Variants in NKAIN2 observed in about 807,000 individuals in gnomAD.
The protein encoded by NKAIN2 is sodium/potassium transporting ATPase interacting 2, also known as sodium/potassium-transporting ATPase subunit beta-1-interacting protein 2.
A neutral mutation model predicts 32.6 loss-of-function variants in NKAIN2; 14 were observed. The observed-to-expected ratio is 0.43, with a 90% CI of 0.28 to 0.67. NKAIN2 has a LOEUF of 0.67. Among genes scored for constraint, NKAIN2 ranks in the 30% least tolerant of loss-of-function variants. The probability of loss-of-function intolerance (pLI) is 0.17; values close to 1 mark genes in which losing one functional copy is unlikely to be tolerated. For synonymous variants in NKAIN2, 80 were observed against 87.2 expected (o/e 0.92, Z 0.46); for missense variants, 198 against 258.3 (o/e 0.77, Z 1.60).
chr6:123,847,384 A>G (rs1460693156), intron 1 of NKAIN2, among the ~76,000 whole-genome samples: 1 of 152,196 alleles, frequency 6.6e-6, no homozygotes, highest in Non-Finnish European at 1.5e-5. Context: ...TGCTCAGCAA[A>G]GGGATCTGAA....
intron 2 of NKAIN2, among the ~76,000 whole-genome samples, chr6:124,331,146 A>G (rs1179569662): frequency 6.6e-6 from 1 of 152,036 alleles, no homozygotes; most frequent in Non-Finnish European, 1.5e-5. Context: ...TATAGGAAAG[A>G]TAAGTTTGTA....
intron 1 of NKAIN2, among the ~76,000 whole-genome samples, chr6:123,981,589 C>A (rs187937632): frequency 6.3e-4 from 96 of 152,256 alleles, no homozygotes; most frequent in African/African-American, 2.2e-3. Context: ...CAAGACCAAG[C>A]ACACCCTGCA....
intron 3 of NKAIN2, among the ~76,000 whole-genome samples, chr6:124,614,737 T>G (rs531312725): frequency 4.6e-4 from 70 of 152,162 alleles, no homozygotes; most frequent in Non-Finnish European, 8.8e-4. Flanking sequence ...GAAGTCAGAT[T>G]TGCATTTCTA....
intron 1 of NKAIN2, among the ~76,000 whole-genome samples, chr6:123,893,043 G>A (rs187222758): frequency 2.0e-4 from 31 of 151,952 alleles, no homozygotes; most frequent in Admixed American, 1.5e-3. Context: ...ACATTCTTGC[G>A]TCTGTTTTCA....
chr6:124,096,531 C>T (rs1784653532), intron 1 of NKAIN2, among the ~76,000 whole-genome samples: 3 of 152,082 alleles, frequency 2.0e-5, no homozygotes, highest in Non-Finnish European at 4.4e-5. Context: ...CTGAAAAATT[C>T]TTATTCATCT....
Position 124,570,784 on chromosome 6 carries a change from T to G in NKAIN2, c.274-87402T>G, listed in dbSNP as rs181524554. Among the ~76,000 whole-genome samples, 514 of 152,246 alleles carry G rather than the reference T, an allele frequency of 3.4e-3. 2 individuals carry two copies. The highest frequency in any genetic ancestry group is 0.012 in the African/African-American group (502 of 41,544). On this transcript the variant is annotated intron_variant, in intron 3 of 6. Coordinates refer to ENST00000368417, the MANE Select transcript of NKAIN2 (RefSeq NM_001040214.3). ...GGAGCTCCCATACAGAGTCCCTACT[T>G]GGGCACTGTCTATTGGAACTGTGAG...
chr6:124,256,787 A>ATG (rs1185441051), intron 1 of NKAIN2, among the ~76,000 whole-genome samples: 2 of 151,692 alleles, frequency 1.3e-5, no homozygotes, highest in South Asian at 2.1e-4. Context: ...AGCAAATAGA[A>ATG]TGTGTGTGTG....
At chr6:124,709,955 C>T (rs1467464724) in intron 4 of NKAIN2, among the ~76,000 whole-genome samples, 6 of 152,020 alleles carry the variant, frequency 3.9e-5, no homozygotes, top group African/African-American at 1.4e-4. Context: ...CCTGCTTTCT[C>T]TTGTGGGCAT....
chr6:124,729,387 T>A (rs987508654), intron 4 of NKAIN2, among the ~76,000 whole-genome samples: 17 of 151,768 alleles, frequency 1.1e-4, no homozygotes, highest in African/African-American at 4.1e-4. Flanking sequence ...ATCCCTGGGA[T>A]GCAAGGCTGG....
intron 1 of NKAIN2, among the ~76,000 whole-genome samples, chr6:123,904,502 G>A (rs1432995687): frequency 6.6e-6 from 1 of 152,142 alleles, no homozygotes; most frequent in Admixed American, 6.5e-5. Context: ...TGTTTCCCGG[G>A]TTACCCTCTC....
intron 1 of NKAIN2, among the ~76,000 whole-genome samples, chr6:124,177,699 G>T (rs1789230629): frequency 6.6e-6 from 1 of 152,028 alleles, no homozygotes; most frequent in Non-Finnish European, 1.5e-5. Flanking sequence ...AAGTGATTAG[G>T]TCATAAAGGA....
At chr6:123,823,007 ATG>A (rs1773990872) in intron 1 of NKAIN2, among the ~76,000 whole-genome samples, 1 of 151,444 alleles carries the variant, frequency 6.6e-6, no homozygotes, top group Non-Finnish European at 1.5e-5. Flanking sequence ...TCCTTATTAT[ATG>A]TTCAAAGCAG....
chr6:124,410,769 A>T (rs1002340735), intron 3 of NKAIN2, among the ~76,000 whole-genome samples: 2 of 152,108 alleles, frequency 1.3e-5, no homozygotes, highest in African/African-American at 4.8e-5. Context: ...TTCTGTCTCG[A>T]TCTGTCTAAT....
intron 1 of NKAIN2, among the ~76,000 whole-genome samples, chr6:124,222,056 C>T (rs1329057334): frequency 2.0e-5 from 3 of 152,094 alleles, no homozygotes; most frequent in African/African-American, 4.8e-5. Context: ...ATATTTTCAC[C>T]TTCTACCTAT....
intron 5 of NKAIN2, among the ~76,000 whole-genome samples, chr6:124,811,326 A>G (rs1265188796): frequency 6.6e-6 from 1 of 152,158 alleles, no homozygotes; most frequent in African/African-American, 2.4e-5. Flanking sequence ...TATGTTGACT[A>G]GTGGCTTTGT....
At chr6:124,032,951 A>G (rs191284626) in intron 1 of NKAIN2, among the ~76,000 whole-genome samples, 65 of 152,184 alleles carry the variant, frequency 4.3e-4, no homozygotes, top group African/African-American at 1.4e-3. Context: ...TGTTCTTTAA[A>G]AAAAAATCAA....
intron 1 of NKAIN2, among the ~76,000 whole-genome samples, chr6:124,217,785 G>GTA (rs1212751841): frequency 2.1e-5 from 2 of 93,778 alleles, no homozygotes; most frequent in Non-Finnish European, 5.9e-5. Flanking sequence ...ATATATATAT[G>GTA]TACACACACA....
chr6:123,823,874 G>C (rs926988651), intron 1 of NKAIN2, among the ~76,000 whole-genome samples: 1 of 152,158 alleles, frequency 6.6e-6, no homozygotes, highest in Non-Finnish European at 1.5e-5. Context: ...GTTTTTGATA[G>C]GGTAGTTTCA....
chr6:123,973,375 T>G (rs1329859967), intron 1 of NKAIN2, among the ~76,000 whole-genome samples: 2 of 151,776 alleles, frequency 1.3e-5, no homozygotes, highest in Non-Finnish European at 2.9e-5. Flanking sequence ...GGGAAAGAAA[T>G]GGGGAAAGAT....
Sources: allele counts gnomAD v4.1 joint callset (sites outside exome capture counted in the v4.1 genomes callset), GRCh38; gene constraint gnomAD v4.1.1; transcripts MANE v1.5; gene names NCBI Gene and HGNC (gene_info 2026-07-23, HGNC 2026-07-21).